Variants in ROBO2 observed in about 807,000 individuals in gnomAD.
ROBO2 encodes the protein roundabout homolog 2.
Under a neutral mutation model 160.8 loss-of-function variants are expected in ROBO2, and 53 were observed. The observed-to-expected ratio is 0.33, with a 90% CI of 0.26 to 0.41. The LOEUF (loss-of-function observed/expected upper bound fraction) is 0.41, where lower values mean the gene tolerates loss of function less well. Ranked by LOEUF, ROBO2 falls within the 10% of genes least tolerant of loss-of-function variation. The pLI is 1.00. For missense variants in ROBO2, 1,577 were observed against 1,722.4 expected, an observed-to-expected ratio of 0.92 and a Z score of 1.49; for synonymous variants, 664 against 611.7, an observed-to-expected ratio of 1.09 and a Z score of -1.26.
At chr3:76,426,525 T>G (rs2108977300) in intron 2 of ROBO2, among the ~76,000 whole-genome samples, 1 of 152,252 alleles carries the variant, frequency 6.6e-6, no homozygotes, top group Non-Finnish European at 1.5e-5. Context: ...TCCTTTTTCT[T>G]ATACAGAATT....
chr3:76,611,874 C>T (rs182919645), intron 2 of ROBO2, among the ~76,000 whole-genome samples: 1 of 152,100 alleles, frequency 6.6e-6, no homozygotes, highest in African/African-American at 2.4e-5. Flanking sequence ...TAAAGTTTAT[C>T]CACTTTTTTT....
At chr3:77,266,134 G>A (rs1217786098) in intron 2 of ROBO2, among the ~76,000 whole-genome samples, 1 of 151,664 alleles carries the variant, frequency 6.6e-6, no homozygotes, top group African/African-American at 2.4e-5. Flanking sequence ...TGTCTCACTA[G>A]GCACAGGATT....
rs182390474 is a variant in ROBO2 at position 76,648,852 on chromosome 3, T to C, written c.110-449162T>C. 2.0e-5 allele frequency among the ~76,000 whole-genome samples: 3 copies of C among 152,244 alleles called. No homozygotes were observed. The East Asian group carries it at 5.8e-4, about 29-fold the overall frequency. On this transcript the variant is annotated intron_variant, in intron 2 of 26. Transcript: ENST00000487694. ...AGTGCAATAATTCTCATAATTTGTT[T>C]ATAAAATTCAAATGTTATGAAATTT...
chr3:77,433,685 T>G (rs2079019700), intron 2 of ROBO2, among the ~76,000 whole-genome samples: 1 of 151,712 alleles, frequency 6.6e-6, no homozygotes, highest in Non-Finnish European at 1.5e-5. Context: ...GTCCTGGACC[T>G]AATTTCTGAG....
chr3:77,527,346 C>G (rs1263246503), intron 6 of ROBO2, 57 bp from the exon 7 acceptor site: 2 of 1,253,338 alleles, frequency 1.6e-6, no homozygotes, highest in South Asian at 1.3e-5. Context: ...GATAATTTTT[C>G]TTTCTTTTTT....
chr3:77,173,353 A>G (rs2079819288), intron 2 of ROBO2, among the ~76,000 whole-genome samples: 1 of 147,960 alleles, frequency 6.8e-6, no homozygotes, highest in African/African-American at 2.5e-5. Context: ...GCTCTCATGA[A>G]ATGTACCCAC....
At position 77,294,109 on chromosome 3, in the gene ROBO2, A is replaced by T. The variant is rs1436705366; in HGVS notation, c.389-183305A>T. 2.8e-5 allele frequency among the ~76,000 whole-genome samples: 4 copies of T among 141,276 alleles called. 1 individual carries two copies. The highest frequency in any genetic ancestry group is 1.1e-4 in the African/African-American group (4 of 37,762). The allele number at this position is 141,276 out of a possible 152,430, so 92.7% of individuals were successfully genotyped here. A position where few individuals can be genotyped will look rare whatever the true frequency, so the allele number is the denominator to read the frequency against. ...AGTAAAATTGATGGTTAAACGGGTAAGCTGAGGCTAGATCACCCCAGACAT... is the reference window on the plus strand; with the variant it reads ...AGTAAAATTGATGGTTAAACGGGTATGCTGAGGCTAGATCACCCCAGACAT... On this transcript the variant is annotated intron_variant, in intron 2 of 25. Transcript: ENST00000461745.
rs201498379 is a variant in ROBO2 at position 76,803,568 on chromosome 3, A to AAAG, written c.110-294444_110-294443insGAA. ...GGAAAAGAGAAAAGGAGAGAGGAAA[A>AAAG]AAAACACACAGACGTACACACATAC... On this transcript the variant is annotated intron_variant, in intron 2 of 26. Coordinates refer to the ROBO2 transcript ENST00000487694. 4.5e-3 allele frequency among the ~76,000 whole-genome samples: 688 copies of AAAG among 152,108 alleles called. 8 individuals are homozygous for AAAG. Among genetic ancestry groups the AAAG allele is most frequent in the African/African-American group, 0.016 (651 of 41,482 alleles).
At chr3:77,515,286 A>C (rs1397910310) in intron 5 of ROBO2, among the ~76,000 whole-genome samples, 1 of 151,604 alleles carries the variant, frequency 6.6e-6, no homozygotes, top group African/African-American at 2.4e-5. Context: ...TGATGTTGGG[A>C]GGAACAGTAG....
chr3:77,206,728 A>G (rs1322322800), intron 2 of ROBO2, among the ~76,000 whole-genome samples: 2 of 152,140 alleles, frequency 1.3e-5, no homozygotes, highest in Admixed American at 6.5e-5. Flanking sequence ...CATGAAATTA[A>G]TTTAGTAGTA....
intron 2 of ROBO2, among the ~76,000 whole-genome samples, chr3:76,999,156 T>C (rs954887608): frequency 6.9e-6 from 1 of 145,582 alleles, no homozygotes; most frequent in Non-Finnish European, 1.5e-5. Flanking sequence ...GAAGTTTTCC[T>C]TTTTTTTTTA....
intron 13 of ROBO2, among the ~76,000 whole-genome samples, chr3:77,569,263 T>C (rs981866377): frequency 3.3e-5 from 5 of 152,162 alleles, no homozygotes; most frequent in Non-Finnish European, 5.9e-5. Flanking sequence ...TTTTCTATTC[T>C]CACTAGCAAT....
chr3:76,226,357 G>C (rs1224506340), intron 2 of ROBO2, among the ~76,000 whole-genome samples: 1 of 152,134 alleles, frequency 6.6e-6, no homozygotes, highest in Non-Finnish European at 1.5e-5. Flanking sequence ...TGAGATGTGT[G>C]TGTGTGCCTG....
chr3:76,814,134 A>T (rs981936436), intron 2 of ROBO2, among the ~76,000 whole-genome samples: 1 of 152,140 alleles, frequency 6.6e-6, no homozygotes, highest in Non-Finnish European at 1.5e-5. Context: ...TCTGGTTAGT[A>T]TGTAAGATAA....
chr3:76,849,464 A>T (rs1396797760), intron 2 of ROBO2, among the ~76,000 whole-genome samples: 1 of 152,234 alleles, frequency 6.6e-6, no homozygotes, highest in African/African-American at 2.4e-5. Context: ...AAGTACATAG[A>T]TGCCTAAGAG....
At chr3:76,600,162 G>T (rs1277022784) in intron 2 of ROBO2, among the ~76,000 whole-genome samples, 1 of 152,092 alleles carries the variant, frequency 6.6e-6, no homozygotes, top group Non-Finnish European at 1.5e-5. Context: ...CCTTCCAGGG[G>T]ATTTATGGTT....
chr3:76,627,183 C>G (rs2109371478), intron 2 of ROBO2, among the ~76,000 whole-genome samples: 1 of 152,270 alleles, frequency 6.6e-6, no homozygotes, highest in Non-Finnish European at 1.5e-5. Flanking sequence ...CTTCCTTCAC[C>G]TTACTTAGTT....
At chr3:77,276,321 C>A (rs1189331703) in intron 2 of ROBO2, among the ~76,000 whole-genome samples, 2 of 151,986 alleles carry the variant, frequency 1.3e-5, no homozygotes, top group Non-Finnish European at 2.9e-5. Context: ...ACAATTTTTC[C>A]TAATTGCTAT....
chr3:76,307,021 C>T (rs1348990289), intron 2 of ROBO2, among the ~76,000 whole-genome samples: 1 of 152,038 alleles, frequency 6.6e-6, no homozygotes, highest in East Asian at 1.9e-4. Context: ...GAAGATAAAG[C>T]CTAAAGCTTT....
Sources: gnomAD v4.1 joint callset for allele counts (sites outside exome capture counted in the v4.1 genomes callset) on GRCh38, gnomAD v4.1.1 for gene constraint, MANE v1.5 for transcripts, NCBI Gene and HGNC (gene_info 2026-07-23, HGNC 2026-07-21) for gene names.